Variants in FHIT observed in about 807,000 individuals in gnomAD.
FHIT encodes fragile histidine triad diadenosine triphosphatase.
A neutral mutation model predicts 17.9 loss-of-function variants in FHIT; 19 were observed. That is an observed-to-expected ratio of 1.06 (90% CI 0.74 to 1.56). The LOEUF (loss-of-function observed/expected upper bound fraction) is 1.56, where lower values mean the gene tolerates loss of function less well. Ranked by LOEUF, FHIT falls within the 40% of genes most tolerant of loss-of-function variation. The probability of loss-of-function intolerance (pLI) is 0.00; values close to 1 mark genes in which losing one functional copy is unlikely to be tolerated. For missense variants in FHIT, 248 were observed against 189.2 expected (o/e 1.31, Z -1.82); for synonymous variants, 81 against 69.7 (o/e 1.16, Z -0.81).
intron 2 of FHIT, among the ~76,000 whole-genome samples, chr3:61,053,710 C>A (rs917535813): frequency 9.9e-5 from 15 of 151,472 alleles, no homozygotes; most frequent in African/African-American, 3.1e-4. Flanking sequence ...TTTTTTAAGT[C>A]ACCATAGCTC....
At chr3:60,684,277 G>A (rs1189401495) in intron 4 of FHIT, among the ~76,000 whole-genome samples, 2 of 152,028 alleles carry the variant, frequency 1.3e-5, no homozygotes, top group Non-Finnish European at 1.5e-5. Context: ...AATAATCCAG[G>A]ATGATTTCCT....
intron 4 of FHIT, among the ~76,000 whole-genome samples, chr3:60,726,360 A>G (rs2041916426): frequency 6.6e-6 from 1 of 152,212 alleles, no homozygotes; most frequent in South Asian, 2.1e-4. Context: ...AGGAATCATT[A>G]AACAATAATA....
At chr3:60,603,673 G>A (rs1253705407) in intron 4 of FHIT, among the ~76,000 whole-genome samples, 1 of 152,020 alleles carries the variant, frequency 6.6e-6, no homozygotes, top group African/African-American at 2.4e-5. Flanking sequence ...GAGTATAAAT[G>A]TATCTCTTTC....
intron 5 of FHIT, among the ~76,000 whole-genome samples, chr3:60,531,297 G>C (rs1490979417): frequency 3.7e-5 from 2 of 53,510 alleles, no homozygotes. Flanking sequence ...TTTTTTTTTT[G>C]AGACGGAGTC....
At chr3:60,952,178 C>CAA (rs1559859289) in intron 3 of FHIT, among the ~76,000 whole-genome samples, 3 of 132,780 alleles carry the variant, frequency 2.3e-5, no homozygotes, top group Admixed American at 7.5e-5. Context: ...CACCCCCCCC[C>CAA]CAAAAAAAAA....
chr3:59,908,417 A>G (rs1475981021), intron 8 of FHIT, among the ~76,000 whole-genome samples: 1 of 152,242 alleles, frequency 6.6e-6, no homozygotes, highest in East Asian at 1.9e-4. Context: ...CAAAGGCCAA[A>G]GAGTAAGTGT....
At chr3:60,244,502 C>G (rs1705292435) in intron 5 of FHIT, among the ~76,000 whole-genome samples, 1 of 152,022 alleles carries the variant, frequency 6.6e-6, no homozygotes, top group Admixed American at 6.6e-5. Context: ...TGAGCCTTTA[C>G]AAGATTTCAT....
rs547455571 is a variant in FHIT, at chr3:60,908,627, G to T, written c.-110-86616C>A. The stretch of plus-strand genomic sequence containing the variant: ...AGACAAAGGCGGTTGTACTATAAAA[G>T]AAAGCGAGAAATGGAAAGGGAAATG... On this transcript the variant is annotated intron_variant, in intron 3 of 9. Coordinates refer to ENST00000492590, the MANE Select transcript of FHIT (RefSeq NM_002012.4). 3.5e-5 allele frequency among the ~76,000 whole-genome samples: 5 copies of T among 141,948 alleles called. No homozygotes were observed. In the South Asian group the frequency reaches 9.1e-4, roughly 26 times the overall value. 93.1% of individuals were successfully genotyped at this position (141,948 alleles called of 152,430 possible). A position where few individuals can be genotyped will look rare whatever the true frequency, so the allele number is the denominator to read the frequency against.
chr3:60,788,495 C>T (rs907760134), intron 4 of FHIT, among the ~76,000 whole-genome samples: 1 of 152,046 alleles, frequency 6.6e-6, no homozygotes, highest in Non-Finnish European at 1.5e-5. Flanking sequence ...TATACATGCA[C>T]ATGTGTATAT....
chr3:60,207,589 C>G (rs934788042), intron 5 of FHIT, among the ~76,000 whole-genome samples: 3 of 152,122 alleles, frequency 2.0e-5, no homozygotes, highest in Non-Finnish European at 4.4e-5. Flanking sequence ...CCCCCGCCGA[C>G]AAATCATACT....
At chr3:60,836,398 G>C (rs1553743835) in intron 3 of FHIT, among the ~76,000 whole-genome samples, 1 of 152,002 alleles carries the variant, frequency 6.6e-6, no homozygotes, top group Non-Finnish European at 1.5e-5. Flanking sequence ...AGGCCATCTG[G>C]GCCTAAATAT....
At chr3:61,234,753 G>A (rs369677264) in intron 1 of FHIT, among the ~76,000 whole-genome samples, 36 of 152,106 alleles carry the variant, frequency 2.4e-4, no homozygotes, top group African/African-American at 6.8e-4. Flanking sequence ...TGGGCCCTCC[G>A]ACCAAGATGT....
At chr3:59,911,009 A>G (rs294462) in intron 8 of FHIT, among the ~76,000 whole-genome samples, 138,248 of 152,202 alleles carry the variant, frequency 0.91, 63,498 homozygotes, top group Non-Finnish European at 0.98. Context: ...AACAACAGGT[A>G]TACTACAGTT....
intron 5 of FHIT, among the ~76,000 whole-genome samples, chr3:60,163,961 G>T (rs1376850297): frequency 1.3e-5 from 2 of 152,118 alleles, no homozygotes; most frequent in African/African-American, 2.4e-5. Flanking sequence ...ACGTGAAAAT[G>T]AGTTTCTTAA....
chr3:60,821,562 C>A (rs879955812), intron 4 of FHIT, among the ~76,000 whole-genome samples: 7 of 151,986 alleles, frequency 4.6e-5, no homozygotes, highest in African/African-American at 1.5e-4. Context: ...ACTTTTTACA[C>A]GTAAAAATTA....
At chr3:60,337,978 A>G (rs1400417235) in intron 5 of FHIT, among the ~76,000 whole-genome samples, 1 of 152,168 alleles carries the variant, frequency 6.6e-6, no homozygotes, top group African/African-American at 2.4e-5. Context: ...AGTTCGAAAA[A>G]TCGAACACCC....
chr3:60,360,768 T>C (rs1699874679), intron 5 of FHIT, among the ~76,000 whole-genome samples: 1 of 152,206 alleles, frequency 6.6e-6, no homozygotes, highest in Non-Finnish European at 1.5e-5. Flanking sequence ...AAACAGCCTG[T>C]CTTATCAATC....
chr3:60,427,381 C>A (rs910982850), intron 5 of FHIT, among the ~76,000 whole-genome samples: 2 of 152,092 alleles, frequency 1.3e-5, no homozygotes, highest in African/African-American at 4.8e-5. Context: ...CAGATAAGAG[C>A]ACAGTCAACT....
chr3:61,002,620 C>G (rs1272287462), intron 3 of FHIT, among the ~76,000 whole-genome samples: 1 of 152,146 alleles, frequency 6.6e-6, no homozygotes, highest in Non-Finnish European at 1.5e-5. Flanking sequence ...CTCTCCCTAT[C>G]CCCCAGCCTC....
Sources: allele counts gnomAD v4.1 joint callset (sites outside exome capture counted in the v4.1 genomes callset), GRCh38; gene constraint gnomAD v4.1.1; transcripts MANE v1.5; gene names NCBI Gene and HGNC (gene_info 2026-07-23, HGNC 2026-07-21).